Variants in LAMA4 observed in about 807,000 individuals in gnomAD.
The protein encoded by LAMA4 is laminin subunit alpha 4, also known as laminin subunit alpha-4.
In LAMA4, 127 loss-of-function variants were observed where a neutral mutation model predicts 207.1. That is an observed-to-expected ratio of 0.61 (90% CI 0.53 to 0.71). The LOEUF is 0.71. Among genes scored for constraint, LAMA4 ranks in the 30% least tolerant of loss-of-function variants. The probability of loss-of-function intolerance (pLI) is 0.00; values close to 1 mark genes in which losing one functional copy is unlikely to be tolerated. For synonymous variants in LAMA4, 761 were observed against 816.0 expected (o/e 0.93, Z 1.15); for missense variants, 2,093 against 2,246.5 (o/e 0.93, Z 1.38).
At chr6:112,183,727 G>A (rs1554345795) in intron 9 of LAMA4, among the ~76,000 whole-genome samples, 1 of 151,902 alleles carries the variant, frequency 6.6e-6, no homozygotes, top group Non-Finnish European at 1.5e-5. Context: ...GAGGTGAGCT[G>A]ATCACCTGAG....
chr6:112,193,548 T>C (rs781848553), intron 5 of LAMA4, among the ~76,000 whole-genome samples: 5 of 152,158 alleles, frequency 3.3e-5, no homozygotes, highest in African/African-American at 4.8e-5. Flanking sequence ...TCCTTCAGCC[T>C]CTGTTCCCAT....
intron 12 of LAMA4, among the ~76,000 whole-genome samples, chr6:112,171,166 C>G (rs1292118754): frequency 1.3e-5 from 2 of 151,562 alleles, no homozygotes; most frequent in Non-Finnish European, 2.9e-5. Context: ...TATATGTGTA[C>G]TTTGATATTT....
At chr6:112,225,881 A>C (rs1156873047) in intron 2 of LAMA4, among the ~76,000 whole-genome samples, 2 of 152,232 alleles carry the variant, frequency 1.3e-5, no homozygotes, top group Admixed American at 6.5e-5. Context: ...AATTGCTGGC[A>C]CATGGTGATA....
chr6:112,222,687 C>A (rs1784989818), intron 2 of LAMA4, among the ~76,000 whole-genome samples: 1 of 152,194 alleles, frequency 6.6e-6, no homozygotes, highest in South Asian at 2.1e-4. Context: ...GAAACCAGTG[C>A]TCCACTCACA....
intron 29 of LAMA4, 42 bp from the exon 30 acceptor site, chr6:112,130,082 AT>A: frequency 1.3e-6 from 2 of 1,570,738 alleles, no homozygotes; most frequent in Non-Finnish European, 1.7e-6. Flanking sequence ...CAGAGCTAGC[AT>A]TTTACCTTGA....
At chr6:112,116,371 G>A (rs1778018793) in intron 35 of LAMA4, among the ~76,000 whole-genome samples, 1 of 152,198 alleles carries the variant, frequency 6.6e-6, no homozygotes, top group African/African-American at 2.4e-5. Flanking sequence ...AATGCTTGGA[G>A]AGCACTGTGA....
intron 2 of LAMA4, chr6:112,236,659 A>G (rs2114314312): frequency 6.6e-6 from 1 of 152,356 alleles, no homozygotes; most frequent in East Asian, 1.9e-4. Context: ...GATATGTTAT[A>G]AGGCAAATTA....
At chr6:112,209,299 T>C (rs6921607) in intron 3 of LAMA4, among the ~76,000 whole-genome samples, 51,420 of 152,020 alleles carry the variant, frequency 0.34, 11,311 homozygotes, top group African/African-American at 0.61. Context: ...GACTACTGTG[T>C]TGCAAAAATG....
intron 12 of LAMA4, among the ~76,000 whole-genome samples, chr6:112,167,892 A>G (rs1158979924): frequency 6.8e-6 from 1 of 146,590 alleles, no homozygotes; most frequent in Non-Finnish European, 1.5e-5. Context: ...ACACACACAC[A>G]CAGAGTTATG....
intron 21 of LAMA4, 71 bp from the exon 22 acceptor site, chr6:112,140,993 T>C: frequency 7.5e-7 from 1 of 1,333,018 alleles, no homozygotes; most frequent in Non-Finnish European, 1.1e-6. Flanking sequence ...GTCAAAATGT[T>C]AATGCTCCCT....
At chr6:112,144,694 C>A (rs1209507141) in intron 19 of LAMA4, 100 bp downstream of exon 19, 6 of 1,353,002 alleles carry the variant, frequency 4.4e-6, no homozygotes, top group Non-Finnish European at 6.3e-6. Context: ...TTGGAGAATA[C>A]AGCAGAAAGG....
chr6:112,173,523 A>G (rs908486818), intron 11 of LAMA4, among the ~76,000 whole-genome samples: 1 of 152,168 alleles, frequency 6.6e-6, no homozygotes, highest in Admixed American at 6.5e-5. Flanking sequence ...GCCGAGTGGG[A>G]GATGTGATTG....
intron 26 of LAMA4, among the ~76,000 whole-genome samples, chr6:112,134,177 A>G (rs1259436700): frequency 1.3e-5 from 2 of 152,176 alleles, no homozygotes; most frequent in African/African-American, 4.8e-5. Flanking sequence ...TTCACACAAT[A>G]CACATGTTCC....
chr6:112,116,730 T>G (rs1433606156), intron 35 of LAMA4, among the ~76,000 whole-genome samples: 2 of 152,196 alleles, frequency 1.3e-5, no homozygotes, highest in Non-Finnish European at 2.9e-5. Flanking sequence ...ATCCTATAAA[T>G]CATTTAAAAT....
Position 112,108,388 on chromosome 6 carries a change from A to C in LAMA4, c.*1049T>G, listed in dbSNP as rs190712536. ...AAAAAGATTATAACATTTTAGAAAT[A>C]AGACTAGTTGTGTTGCAGGTATGTG... On this transcript the variant is annotated 3_prime_UTR_variant, in exon 39 of 39. Transcript: ENST00000230538. Among the ~76,000 whole-genome samples the C allele has an allele frequency of 7.4e-3, 1,121 of 152,312 alleles. 10 individuals carry two copies. The highest frequency in any genetic ancestry group is 0.01 in the Non-Finnish European group (683 of 68,030).
intron 25 of LAMA4, 108 bp downstream of exon 25, chr6:112,136,015 T>C: frequency 1.0e-6 from 1 of 986,254 alleles, no homozygotes; most frequent in Non-Finnish European, 1.6e-6. Context: ...ATATGAAAGT[T>C]CTCAGTTTAT....
intron 2 of LAMA4, among the ~76,000 whole-genome samples, chr6:112,223,611 C>A (rs1785041723): frequency 6.6e-6 from 1 of 152,178 alleles, no homozygotes; most frequent in Non-Finnish European, 1.5e-5. Flanking sequence ...CTTCAGTGTA[C>A]TCAGGGAAGG....
intron 2 of LAMA4, among the ~76,000 whole-genome samples, chr6:112,228,488 AG>A (rs2115118823): frequency 6.6e-6 from 1 of 152,242 alleles, no homozygotes; most frequent in South Asian, 2.1e-4. Context: ...CACCTAAGAG[AG>A]TGTAAATGAA....
At chr6:112,228,023 G>A (rs1785321202) in intron 2 of LAMA4, among the ~76,000 whole-genome samples, 1 of 152,188 alleles carries the variant, frequency 6.6e-6, no homozygotes, top group Admixed American at 6.5e-5. Context: ...ATTTAAGTAA[G>A]AGGGTTTAGA....
Sources: gnomAD v4.1 joint callset for allele counts (sites outside exome capture counted in the v4.1 genomes callset) on GRCh38, gnomAD v4.1.1 for gene constraint, MANE v1.5 for transcripts, NCBI Gene and HGNC (gene_info 2026-07-23, HGNC 2026-07-21) for gene names.